Variants in SLC25A20 observed in about 807,000 individuals in gnomAD.
SLC25A20 encodes the protein solute carrier family 25 member 20.
A neutral mutation model predicts 39.7 loss-of-function variants in SLC25A20; 29 were observed. The observed-to-expected ratio is 0.73, with a 90% CI of 0.54 to 1.00. The LOEUF (loss-of-function observed/expected upper bound fraction) is 1.00. SLC25A20 is among the 50% of genes least tolerant of loss of function. The pLI, the probability that SLC25A20 is intolerant of heterozygous loss-of-function variation, is 0.00. For missense variants in SLC25A20, 333 were observed against 379.9 expected, an observed-to-expected ratio of 0.88 and a Z score of 1.03; for synonymous variants, 103 against 142.2, an observed-to-expected ratio of 0.72 and a Z score of 1.96.
At chr3:48,860,989 C>T (rs1254619963) in intron 5 of SLC25A20, among the ~76,000 whole-genome samples, 1 of 151,552 alleles carries the variant, frequency 6.6e-6, no homozygotes, top group African/African-American at 2.4e-5. Flanking sequence ...CCACCACGCC[C>T]GGCTAATTTT....
intron 4 of SLC25A20, among the ~76,000 whole-genome samples, chr3:48,875,550 CA>C (rs1480889013): frequency 6.6e-5 from 10 of 152,204 alleles, no homozygotes; most frequent in Non-Finnish European, 1.2e-4. Flanking sequence ...GCTGGGATTA[CA>C]GGCGTGCACA....
At chr3:48,862,716 G>A (rs1485906505) in intron 4 of SLC25A20, 57 bp from the exon 5 acceptor site, 1 of 1,162,060 alleles carries the variant, frequency 8.6e-7, no homozygotes, top group African/African-American at 1.5e-5. Context: ...GACCCAGCAG[G>A]TTACAGGAGA....
At chr3:48,858,714 G>A in intron 7 of SLC25A20, 83 bp from the exon 8 acceptor site, 2 of 1,562,960 alleles carry the variant, frequency 1.3e-6, no homozygotes, top group Non-Finnish European at 1.8e-6. Context: ...GACTAGCACA[G>A]GGAAAGGACA....
Position 48,898,808 on chromosome 3 carries a change from G to C in SLC25A20, c.-14C>G. On this transcript the variant is annotated 5_prime_UTR_variant, in exon 1 of 9. Coordinates refer to ENST00000319017, the MANE Select transcript of SLC25A20 (RefSeq NM_000387.6). Reference sequence around the variant, plus strand: ...CTGGTCGGCCATGGTCAGTCCGTCTGTCACTCCGTCTGTCAGTTCTCGGGC... The same window carrying C: ...CTGGTCGGCCATGGTCAGTCCGTCTCTCACTCCGTCTGTCAGTTCTCGGGC... 3 of 1,554,672 alleles carry C rather than the reference G, an allele frequency of 1.9e-6. No individual in the cohort carries two copies. The highest frequency in any genetic ancestry group is 1.9e-5 in the Admixed American group (1 of 51,468).
chr3:48,878,264 A>C (rs1388577695), intron 4 of SLC25A20, among the ~76,000 whole-genome samples: 4 of 56,484 alleles, frequency 7.1e-5, no homozygotes, highest in South Asian at 1.2e-3. Context: ...CATCTCCACA[A>C]AAAAAAAAAA....
chr3:48,859,575 G>T lies in SLC25A20; in HGVS notation c.588C>A (p.Ile196=), dbSNP rs761589054. The T allele has an allele frequency of 6.2e-7, 1 of 1,613,990 alleles. No homozygotes were observed. Among genetic ancestry groups the T allele is most frequent in the Admixed American group, 1.7e-5 (1 of 60,014 alleles). ...YFMTYEWLKN[I]FTPEGKRVSE... ...CTCACCTCTTTCCCTCCGGAGTGAAGATATTTTTCAGCCATTCATATGTCA... is the reference window on the plus strand; with the variant it reads ...CTCACCTCTTTCCCTCCGGAGTGAATATATTTTTCAGCCATTCATATGTCA... The change falls in exon 6 of 9, where the codon ATC becomes ATA. Residue 196 remains isoleucine (I), a synonymous_variant. Transcript: ENST00000319017.
chr3:48,860,059 T>C (rs1364403794), intron 5 of SLC25A20, among the ~76,000 whole-genome samples: 2 of 152,166 alleles, frequency 1.3e-5, no homozygotes, highest in African/African-American at 4.8e-5. Flanking sequence ...TCCCAGCACT[T>C]CGGGAGGCCG....
Position 48,858,531 on chromosome 3 carries a change from C to A in SLC25A20, c.819G>T (p.Met273Ile). The change falls in exon 8 of 9, where the codon ATG (methionine) becomes ATT (isoleucine). Residue 273 changes from methionine to isoleucine, a missense_variant. Coordinates refer to ENST00000319017, the MANE Select transcript of SLC25A20 (RefSeq NM_000387.6). ...CCGCATTGGCTGGGAAGGCTCGGAT[C>A]ATCACTGCATTGAACCCTTTGTACA... ...TSLYKGFNAV[M>I]IRAFPANAAC... 1 of 1,614,226 alleles carries A rather than the reference C, an allele frequency of 6.2e-7. No individual in the cohort carries two copies. Among genetic ancestry groups the A allele is most frequent in the Non-Finnish European group, 8.5e-7 (1 of 1,180,040 alleles).
intron 4 of SLC25A20, among the ~76,000 whole-genome samples, chr3:48,865,595 T>TAAA (rs766275901): frequency 1.4e-4 from 12 of 85,090 alleles, no homozygotes; most frequent in South Asian, 4.0e-4. Context: ...ACCCTGTTTC[T>TAAA]AAAAAAAAAA....
chr3:48,890,929 C>G (rs930537737), intron 2 of SLC25A20, among the ~76,000 whole-genome samples: 2 of 151,644 alleles, frequency 1.3e-5, no homozygotes, highest in African/African-American at 4.8e-5. Flanking sequence ...GCTGGGATCA[C>G]AGGCGTGAGC....
intron 7 of SLC25A20, 40 bp from the exon 8 acceptor site, chr3:48,858,671 G>T: frequency 6.2e-7 from 1 of 1,613,820 alleles, no homozygotes; most frequent in South Asian, 1.1e-5. Context: ...TCAGGAAGGA[G>T]AAACTAGCAG....
chr3:48,886,191 A>G (rs2083827815), intron 2 of SLC25A20, among the ~76,000 whole-genome samples: 1 of 152,150 alleles, frequency 6.6e-6, no homozygotes, highest in South Asian at 2.1e-4. Context: ...AAAATAATGT[A>G]CCACAAATAG....
intron 2 of SLC25A20, among the ~76,000 whole-genome samples, chr3:48,890,940 C>T (rs1243963967): frequency 6.6e-6 from 1 of 152,100 alleles, no homozygotes; most frequent in Non-Finnish European, 1.5e-5. Flanking sequence ...AGGCGTGAGC[C>T]AGCGCGCCCA....
rs886058659 is a variant in SLC25A20, at chr3:48,898,860, A to G, written c.-66T>C. 36 of 1,478,862 alleles carry G rather than the reference A, an allele frequency of 2.4e-5. No individual in the cohort carries two copies. The highest frequency in any genetic ancestry group is 9.8e-5 in the Admixed American group (5 of 50,880). The allele number at this position is 1,478,862 out of a possible 1,614,324, so 91.6% of individuals were successfully genotyped here. A position where few individuals can be genotyped will look rare whatever the true frequency, so the allele number is the denominator to read the frequency against. On this transcript the variant is annotated 5_prime_UTR_variant, in exon 1 of 9. Transcript: ENST00000319017. Reference sequence around the variant, plus strand: ...GTCCTGGCTTCTCAGCCCCAGCTGCAGTGCCGGCGCCGCCGACCTTTCACC... The same window carrying G: ...GTCCTGGCTTCTCAGCCCCAGCTGCGGTGCCGGCGCCGCCGACCTTTCACC...
In SLC25A20 at chr3:48,891,926, T is replaced by G. The variant is rs1380458428; in HGVS notation, c.198+54A>C. On this transcript the variant is annotated intron_variant, in intron 2 of 8. Coordinates refer to ENST00000319017, the MANE Select transcript of SLC25A20 (RefSeq NM_000387.6). ...ACCTACTCTCCTTGGGGGTAACAAA[T>G]CAACCCCGTGAATGTGTTCTGAGTA... The G allele has an allele frequency of 2.4e-5, 34 of 1,405,808 alleles. 1 individual carries two copies. The highest frequency in any genetic ancestry group is 3.0e-6 in the Non-Finnish European group (3 of 991,122). The allele number at this position is 1,405,808 out of a possible 1,614,324, so 87.1% of individuals were successfully genotyped here.
intron 2 of SLC25A20, among the ~76,000 whole-genome samples, chr3:48,886,289 C>T (rs1433304122): frequency 6.6e-6 from 1 of 152,096 alleles, no homozygotes; most frequent in East Asian, 1.9e-4. Flanking sequence ...CTTTCAGAGG[C>T]CAAGGCGGGC....
rs534641765 is a variant in SLC25A20 at position 48,868,205 on chromosome 3, G to C, written c.418-5546C>G. On this transcript the variant is annotated intron_variant, in intron 4 of 8. Coordinates refer to ENST00000319017, the MANE Select transcript of SLC25A20 (RefSeq NM_000387.6). ...AAACCAGCTCATCCACTGAGAAGGT[G>C]GGGGGTTGAGAAGAGGAGAGGTACG... Among the ~76,000 whole-genome samples the C allele has an allele frequency of 3.1e-3, 468 of 152,070 alleles. 7 individuals are homozygous for C. In the Middle Eastern group the frequency reaches 0.037, roughly 12 times the overall value.
chr3:48,865,427 G>C (rs2083658807), intron 4 of SLC25A20, among the ~76,000 whole-genome samples: 1 of 151,662 alleles, frequency 6.6e-6, no homozygotes, highest in Non-Finnish European at 1.5e-5. Context: ...CGCCCACAGA[G>C]ATATAAATTT....
intron 2 of SLC25A20, among the ~76,000 whole-genome samples, chr3:48,890,168 C>T (rs944401572): frequency 6.6e-6 from 1 of 152,196 alleles, no homozygotes; most frequent in African/African-American, 2.4e-5. Context: ...TGATCACGCT[C>T]CTTGTCCACT....
Sources: gnomAD v4.1 joint callset for allele counts (sites outside exome capture counted in the v4.1 genomes callset) on GRCh38, gnomAD v4.1.1 for gene constraint, MANE v1.5 for transcripts, NCBI Gene and HGNC (gene_info 2026-07-23, HGNC 2026-07-21) for gene names.